Variants in SCMH1 observed in about 807,000 individuals in gnomAD.
SCMH1 encodes the protein Scm polycomb group protein homolog 1.
SCMH1 carries 37 observed loss-of-function variants against 70.8 expected under a neutral mutation model. The observed-to-expected ratio is 0.52, with a 90% CI of 0.40 to 0.69. The LOEUF is 0.69. Among genes scored for constraint, SCMH1 ranks in the 30% least tolerant of loss-of-function variants. The pLI is 0.00. For missense variants in SCMH1, 607 were observed against 827.3 expected, an observed-to-expected ratio of 0.73 and a Z score of 3.27; for synonymous variants, 292 against 307.4, an observed-to-expected ratio of 0.95 and a Z score of 0.52.
chr1:41,147,203 T>C (rs1370916527), intron 5 of SCMH1, among the ~76,000 whole-genome samples: 1 of 152,226 alleles, frequency 6.6e-6, no homozygotes, highest in Non-Finnish European at 1.5e-5. Flanking sequence ...CCTGTATACA[T>C]TTTCCTTGGT....
chr1:41,134,886 C>T (rs78768788), intron 6 of SCMH1, among the ~76,000 whole-genome samples: 2,234 of 152,046 alleles, frequency 0.015, 50 homozygotes, highest in African/African-American at 0.051. Flanking sequence ...ATATAGTACC[C>T]ATTTTCTGGT....
At chr1:41,053,987 G>A (rs1236684572) in intron 10 of SCMH1, among the ~76,000 whole-genome samples, 1 of 152,142 alleles carries the variant, frequency 6.6e-6, no homozygotes, top group Middle Eastern at 3.2e-3. Flanking sequence ...TGGGACTACA[G>A]GCGCCCGCCA....
At chr1:41,178,593 T>C (rs367738628) in intron 2 of SCMH1, among the ~76,000 whole-genome samples, 3 of 152,280 alleles carry the variant, frequency 2.0e-5, no homozygotes, top group East Asian at 3.9e-4. Context: ...TCCTAGTCTC[T>C]GATAAAACAG....
chr1:41,154,780 G>A (rs968278081), intron 4 of SCMH1, among the ~76,000 whole-genome samples: 1 of 152,158 alleles, frequency 6.6e-6, no homozygotes, highest in African/African-American at 2.4e-5. Flanking sequence ...TATAATGTGA[G>A]TGTTTTCAAT....
At chr1:41,214,329 T>G (rs1430247366) in intron 1 of SCMH1, among the ~76,000 whole-genome samples, 2 of 152,120 alleles carry the variant, frequency 1.3e-5, no homozygotes, top group African/African-American at 4.8e-5. Flanking sequence ...GAAATATACT[T>G]TGCAAAATAT....
At chr1:41,118,804 A>G (rs1671183607) in intron 6 of SCMH1, among the ~76,000 whole-genome samples, 1 of 152,146 alleles carries the variant, frequency 6.6e-6, no homozygotes, top group Admixed American at 6.5e-5. Context: ...AACAAAACCT[A>G]ATGTTTTTTG....
intron 6 of SCMH1, among the ~76,000 whole-genome samples, chr1:41,140,891 G>A (rs569579856): frequency 6.6e-6 from 1 of 152,194 alleles, no homozygotes; most frequent in East Asian, 1.9e-4. Flanking sequence ...GCAAAAGATG[G>A]GATAATTCAA....
chr1:41,060,791 A>T (rs1346332265), intron 10 of SCMH1, among the ~76,000 whole-genome samples: 1 of 152,134 alleles, frequency 6.6e-6, no homozygotes, highest in Non-Finnish European at 1.5e-5. Context: ...GGCTACAGGC[A>T]TGCACCACCA....
chr1:41,136,546 GT>G (rs1301125471), intron 6 of SCMH1, among the ~76,000 whole-genome samples: 1 of 151,526 alleles, frequency 6.6e-6, no homozygotes, highest in African/African-American at 2.4e-5. Context: ...GCTAATTTTT[GT>G]ATTTTTAGTA....
At chr1:41,172,206 G>A (rs1360856864) in intron 2 of SCMH1, among the ~76,000 whole-genome samples, 1 of 147,474 alleles carries the variant, frequency 6.8e-6, no homozygotes, top group Non-Finnish European at 1.5e-5. Context: ...AAAAAACGCT[G>A]TACCAAAAAA....
At chr1:41,089,626 T>C (rs976428798) in intron 8 of SCMH1, among the ~76,000 whole-genome samples, 1 of 152,018 alleles carries the variant, frequency 6.6e-6, no homozygotes, top group Non-Finnish European at 1.5e-5. Flanking sequence ...GATCTCACCA[T>C]TCCTTTGCTC....
At chr1:41,194,585 C>A (rs1316389781) in intron 1 of SCMH1, among the ~76,000 whole-genome samples, 1 of 152,194 alleles carries the variant, frequency 6.6e-6, no homozygotes, top group East Asian at 1.9e-4. Flanking sequence ...GAGTTCAGAA[C>A]CCTGATTCTG....
rs868864076 is a variant in SCMH1 at position 41,082,781 on chromosome 1, C to T, written c.746-7330G>A. Among the ~76,000 whole-genome samples the T allele has an allele frequency of 8.5e-5, 13 of 152,314 alleles. No homozygotes were observed. In the South Asian group the frequency reaches 1.2e-3, roughly 15 times the overall value. On this transcript the variant is annotated intron_variant, in intron 8 of 14. Transcript: ENST00000337495. The stretch of plus-strand genomic sequence containing the variant: ...CATCAAAAAGCTTATCCACCATGAT[C>T]AAGTGGGCTTCATCCCTGGGATGCA...
At chr1:41,130,983 C>T (rs113711580) in intron 6 of SCMH1, among the ~76,000 whole-genome samples, 3,110 of 152,132 alleles carry the variant, frequency 0.02, 63 homozygotes, top group South Asian at 0.042. Flanking sequence ...TTATCTAATC[C>T]AAGGTCATGA....
chr1:41,081,477 A>G (rs1324733808), intron 8 of SCMH1, among the ~76,000 whole-genome samples: 1 of 152,234 alleles, frequency 6.6e-6, no homozygotes, highest in Non-Finnish European at 1.5e-5. Context: ...GCTGGAGAAC[A>G]TGCATCATCA....
In SCMH1 at chr1:41,113,267, G is replaced by A. The variant is rs144790992; in HGVS notation, c.745+16C>T. On this transcript the variant is annotated intron_variant, in intron 8 of 14. Transcript: ENST00000337495. The surrounding 1 kb of genome is among the most constrained non-coding windows in gnomAD (Gnocchi z 4.3). ...ATCTGGGTCCTGATTTCAAGAGCACGTAGATGGGCCTTTACCTTTGGTGCC... is the reference window on the plus strand; with the variant it reads ...ATCTGGGTCCTGATTTCAAGAGCACATAGATGGGCCTTTACCTTTGGTGCC... 2.1e-4 allele frequency: 331 copies of A among 1,610,318 alleles called. No homozygotes were observed. The East Asian group carries it at 2.2e-3, about 11-fold the overall frequency.
chr1:41,144,940 T>A (rs1357874107), intron 5 of SCMH1, among the ~76,000 whole-genome samples: 2 of 152,192 alleles, frequency 1.3e-5, no homozygotes, highest in Non-Finnish European at 2.9e-5. Context: ...AATCATGTTG[T>A]CTTTTAATTT....
intron 1 of SCMH1, among the ~76,000 whole-genome samples, chr1:41,237,512 T>C: frequency 6.6e-6 from 1 of 152,166 alleles, no homozygotes; most frequent in Non-Finnish European, 1.5e-5. Flanking sequence ...AATGTGTGGC[T>C]CCCTAATGTA....
intron 1 of SCMH1, among the ~76,000 whole-genome samples, chr1:41,227,753 G>A (rs996247033): frequency 2.0e-5 from 3 of 152,092 alleles, no homozygotes; most frequent in Non-Finnish European, 2.9e-5. Context: ...AAGCCGAGGC[G>A]GGCAGATCAT....
Sources: allele counts gnomAD v4.1 joint callset (sites outside exome capture counted in the v4.1 genomes callset), GRCh38; gene constraint gnomAD v4.1.1; non-coding constraint Gnocchi (gnomAD v3.1); transcripts MANE v1.5; gene names NCBI Gene and HGNC (gene_info 2026-07-23, HGNC 2026-07-21).